HPCAL1: variants seen among roughly 807,000 people sequenced by gnomAD.
HPCAL1 encodes the protein hippocalcin-like protein 1.
HPCAL1 carries 8 observed loss-of-function variants against 17.1 expected under a neutral mutation model. The observed-to-expected ratio is 0.47, with a 90% CI of 0.27 to 0.84. HPCAL1 has a LOEUF of 0.84. HPCAL1 is among the 40% of genes least tolerant of loss of function. The pLI is 0.13. For missense variants in HPCAL1, 165 were observed against 271.1 expected, an observed-to-expected ratio of 0.61 and a Z score of 2.75; for synonymous variants, 112 against 111.4, an observed-to-expected ratio of 1.01 and a Z score of -0.03.
At position 10,343,530 on chromosome 2, in the gene HPCAL1, C is replaced by T. The variant is rs1665224905; in HGVS notation, c.-111+40353C>T. Among the ~76,000 whole-genome samples, 1 of 152,194 alleles carries T rather than the reference C, an allele frequency of 6.6e-6. No homozygotes were observed. Among genetic ancestry groups the T allele is most frequent in the Non-Finnish European group, 1.5e-5 (1 of 68,042 alleles). ...CCCTGGGTCTTCCTTTCTTTTGCTT[C>T]TGAACTTGGAGGTTTCTTGAAGTCT... is the stretch of plus-strand genomic sequence containing the variant. On this transcript the variant is annotated intron_variant, in intron 1 of 4. Coordinates refer to ENST00000307845, the MANE Select transcript of HPCAL1 (RefSeq NM_002149.4). The surrounding 1 kb of genome is among the most constrained non-coding windows in gnomAD (Gnocchi z 4.8).
At chr2:10,347,411 G>A (rs923055294) in intron 1 of HPCAL1, among the ~76,000 whole-genome samples, 1 of 152,158 alleles carries the variant, frequency 6.6e-6, no homozygotes, top group African/African-American at 2.4e-5. Context: ...GCCCCCCAGC[G>A]CCTGATAATG....
At chr2:10,397,951 G>A (rs1045714675) in intron 2 of HPCAL1, among the ~76,000 whole-genome samples, 2 of 152,200 alleles carry the variant, frequency 1.3e-5, no homozygotes, top group Non-Finnish European at 2.9e-5. Flanking sequence ...CCTCTTCAGG[G>A]TCAATGCGAG....
intron 2 of HPCAL1, among the ~76,000 whole-genome samples, chr2:10,401,578 G>T (rs755456104): frequency 3.9e-5 from 6 of 152,120 alleles, no homozygotes; most frequent in Non-Finnish European, 8.8e-5. Context: ...GGATTTGGAA[G>T]TTGTCTGTAA....
chr2:10,424,542 C>A, intron 4 of HPCAL1: 1 of 471,070 alleles, frequency 2.1e-6, no homozygotes, highest in South Asian at 1.5e-5. Flanking sequence ...GGGGAAGCCA[C>A]CCATGGTCAC....
At chr2:10,347,447 A>G (rs1665542712) in intron 1 of HPCAL1, among the ~76,000 whole-genome samples, 1 of 152,130 alleles carries the variant, frequency 6.6e-6, no homozygotes, top group Non-Finnish European at 1.5e-5. Context: ...TTCCAGCCCC[A>G]GATGTGGACC....
At chr2:10,423,848 T>G (rs1162488393) in intron 4 of HPCAL1, 1 of 152,538 alleles carries the variant, frequency 6.6e-6, no homozygotes, top group Non-Finnish European at 1.5e-5. Context: ...ATCCCAGCAC[T>G]TTGGGAGGCC....
At chr2:10,369,404 G>A (rs1667074165) in intron 1 of HPCAL1, among the ~76,000 whole-genome samples, 1 of 152,216 alleles carries the variant, frequency 6.6e-6, no homozygotes, top group South Asian at 2.1e-4. Context: ...TTGCCTGTCT[G>A]CAGAATCCAT....
Position 10,363,515 on chromosome 2 carries a change from G to A in HPCAL1, c.-110-33320G>A, listed in dbSNP as rs1208738173. 2.0e-5 allele frequency among the ~76,000 whole-genome samples: 3 copies of A among 152,134 alleles called. No individual in the cohort carries two copies. The highest frequency in any genetic ancestry group is 4.4e-5 in the Non-Finnish European group (3 of 68,022). On this transcript the variant is annotated intron_variant, in intron 1 of 4. Coordinates refer to ENST00000307845, the MANE Select transcript of HPCAL1 (RefSeq NM_002149.4). This position sits in a 1 kb window ranked among gnomAD's most constrained non-coding sequence, Gnocchi z 4.7. ...ATAGTCCTGCCTATACCCTCTACAC[G>A]TGGCGTTTCAGGTCTGGAGAGTCAT...
At chr2:10,315,287 C>T (rs956740077) in intron 1 of HPCAL1, among the ~76,000 whole-genome samples, 2 of 117,602 alleles carry the variant, frequency 1.7e-5, no homozygotes, top group Admixed American at 9.3e-5. Flanking sequence ...AGCGAGACTC[C>T]GTCTCAAAAA....
chr2:10,365,706 C>G lies in HPCAL1; in HGVS notation c.-110-31129C>G, dbSNP rs544334489. ...TCCCCGCCCACCCTCCTTCAGGCTC[C>G]CTACACCCACCTGAGTGGGCCTTTC... is the stretch of plus-strand genomic sequence containing the variant. On this transcript the variant is annotated intron_variant, in intron 1 of 4. Transcript: ENST00000307845. This position sits in a 1 kb window ranked among gnomAD's most constrained non-coding sequence, Gnocchi z 4.8. 9.9e-5 allele frequency among the ~76,000 whole-genome samples: 15 copies of G among 152,284 alleles called. No homozygotes were observed. The highest frequency in any genetic ancestry group is 5.9e-4 in the Admixed American group (9 of 15,296).
intron 1 of HPCAL1, among the ~76,000 whole-genome samples, chr2:10,334,582 G>A (rs1000621818): frequency 3.3e-5 from 5 of 152,058 alleles, no homozygotes; most frequent in African/African-American, 9.6e-5. Flanking sequence ...TTTGTAATTT[G>A]TTCTTGACTA....
intron 3 of HPCAL1, among the ~76,000 whole-genome samples, chr2:10,422,583 CTT>C (rs772540879): frequency 2.6e-5 from 4 of 152,174 alleles, no homozygotes; most frequent in Non-Finnish European, 5.9e-5. Context: ...GACTCAGTCT[CTT>C]TTAAACTGAG....
At chr2:10,401,340 C>T (rs1193884119) in intron 2 of HPCAL1, among the ~76,000 whole-genome samples, 2 of 152,218 alleles carry the variant, frequency 1.3e-5, no homozygotes, top group African/African-American at 4.8e-5. Flanking sequence ...TCTCAGACCC[C>T]ATGTGCAAAT....
chr2:10,371,816 T>C (rs901798695), intron 1 of HPCAL1, among the ~76,000 whole-genome samples: 4 of 152,162 alleles, frequency 2.6e-5, no homozygotes, highest in African/African-American at 7.2e-5. Flanking sequence ...CCATGGAGGA[T>C]AGGGAGAGGC....
intron 1 of HPCAL1, among the ~76,000 whole-genome samples, chr2:10,378,889 G>T (rs1667762341): frequency 6.6e-6 from 1 of 152,214 alleles, no homozygotes; most frequent in South Asian, 2.1e-4. Context: ...CATCACAGCA[G>T]ACATATGGGT....
At chr2:10,320,700 C>T (rs911586440) in intron 1 of HPCAL1, among the ~76,000 whole-genome samples, 2 of 152,256 alleles carry the variant, frequency 1.3e-5, no homozygotes, top group Non-Finnish European at 2.9e-5. Context: ...GCTGCTCTCA[C>T]ATCAGTGGGC....
At chr2:10,412,392 T>C (rs990725408) in intron 2 of HPCAL1, among the ~76,000 whole-genome samples, 2 of 152,210 alleles carry the variant, frequency 1.3e-5, no homozygotes, top group African/African-American at 4.8e-5. Context: ...TGAGAAAGCC[T>C]GGTTGAGAAA....
intron 1 of HPCAL1, among the ~76,000 whole-genome samples, chr2:10,315,997 A>T (rs996240720): frequency 6.6e-6 from 1 of 152,140 alleles, no homozygotes; most frequent in Admixed American, 6.5e-5. Context: ...ACAGAGTGAG[A>T]CTTGCTCTCA....
chr2:10,356,155 G>A (rs1204238835), intron 1 of HPCAL1, among the ~76,000 whole-genome samples: 1 of 152,156 alleles, frequency 6.6e-6, no homozygotes, highest in Admixed American at 6.5e-5. Flanking sequence ...GTTACCTCTG[G>A]TTTCTGTTTA....
Sources: allele counts gnomAD v4.1 joint callset (sites outside exome capture counted in the v4.1 genomes callset), GRCh38; gene constraint gnomAD v4.1.1; non-coding constraint Gnocchi (gnomAD v3.1); transcripts MANE v1.5; gene names NCBI Gene and HGNC (gene_info 2026-07-23, HGNC 2026-07-21).